Variants in ASIC2 observed in about 807,000 individuals in gnomAD.
ASIC2 encodes acid sensing ion channel subunit 2.
A neutral mutation model predicts 57.3 loss-of-function variants in ASIC2; 25 were observed. The observed-to-expected ratio is 0.44, with a 90% CI of 0.32 to 0.61. The LOEUF (loss-of-function observed/expected upper bound fraction) is 0.61, where lower values mean the gene tolerates loss of function less well. ASIC2 is among the 20% of genes least tolerant of loss of function. The pLI, the probability that ASIC2 is intolerant of heterozygous loss-of-function variation, is 0.06. For missense variants in ASIC2, 641 were observed against 738.1 expected, an observed-to-expected ratio of 0.87 and a Z score of 1.52; for synonymous variants, 319 against 307.5, an observed-to-expected ratio of 1.04 and a Z score of -0.39.
At chr17:33,344,932 G>GT (rs11402799) in intron 1 of ASIC2, among the ~76,000 whole-genome samples, 35,102 of 144,948 alleles carry the variant, frequency 0.24, 4,126 homozygotes, top group South Asian at 0.39. Context: ...CAAAACCTTG[G>GT]TTTTTTTTTT....
chr17:34,067,719 T>G (rs1167074533), intron 1 of ASIC2, among the ~76,000 whole-genome samples: 3 of 152,208 alleles, frequency 2.0e-5, no homozygotes, highest in African/African-American at 7.2e-5. Context: ...ATGCTACTGT[T>G]GTGAAGGATG....
chr17:33,395,888 T>A (rs1910060356), intron 1 of ASIC2, among the ~76,000 whole-genome samples: 1 of 152,112 alleles, frequency 6.6e-6, no homozygotes, highest in African/African-American at 2.4e-5. Context: ...AGATGCACTT[T>A]CAAAATTTAT....
intron 1 of ASIC2, among the ~76,000 whole-genome samples, chr17:33,317,575 T>A (rs563831076): frequency 1.3e-5 from 2 of 152,274 alleles, no homozygotes; most frequent in Non-Finnish European, 2.9e-5. Flanking sequence ...GACTTTCAGC[T>A]TAGGAGAATA....
chr17:33,685,540 G>T (rs1167282633), intron 1 of ASIC2, among the ~76,000 whole-genome samples: 1 of 152,194 alleles, frequency 6.6e-6, no homozygotes, highest in Non-Finnish European at 1.5e-5. Context: ...ATCAAGGAGT[G>T]ACTAGCTGTG....
At chr17:33,496,377 T>A (rs1022490533) in intron 1 of ASIC2, among the ~76,000 whole-genome samples, 3 of 152,138 alleles carry the variant, frequency 2.0e-5, no homozygotes, top group African/African-American at 7.2e-5. Flanking sequence ...CCCACTGCGG[T>A]TGTCTTCCTC....
At chr17:33,511,167 G>A (rs543901909) in intron 1 of ASIC2, among the ~76,000 whole-genome samples, 4 of 137,324 alleles carry the variant, frequency 2.9e-5, no homozygotes, top group African/African-American at 1.1e-4. Context: ...CTCTGTGGCT[G>A]TCACCCTAAT....
intron 1 of ASIC2, among the ~76,000 whole-genome samples, chr17:33,226,829 C>T (rs1343716626): frequency 6.6e-6 from 1 of 152,012 alleles, no homozygotes; most frequent in Non-Finnish European, 1.5e-5. Flanking sequence ...AAAAGAGTCT[C>T]ATGTGTAATT....
chr17:33,496,183 G>A (rs1323284593), intron 1 of ASIC2, among the ~76,000 whole-genome samples: 2 of 152,188 alleles, frequency 1.3e-5, no homozygotes, highest in Admixed American at 6.5e-5. Flanking sequence ...CATGGGCATT[G>A]TCTAGGAAAG....
intron 1 of ASIC2, among the ~76,000 whole-genome samples, chr17:33,271,514 T>C (rs1322009950): frequency 6.6e-6 from 1 of 152,178 alleles, no homozygotes; most frequent in Admixed American, 6.5e-5. Context: ...CAGCCTTCCA[T>C]TCTCAATTCA....
intron 1 of ASIC2, among the ~76,000 whole-genome samples, chr17:33,185,425 C>T (rs1161911359): frequency 2.6e-5 from 4 of 152,146 alleles, no homozygotes; most frequent in Admixed American, 2.6e-4. Flanking sequence ...AGAAACCTAA[C>T]ATGTTTTCCA....
chr17:34,087,218 C>A (rs1022398934), intron 1 of ASIC2, among the ~76,000 whole-genome samples: 1 of 151,948 alleles, frequency 6.6e-6, no homozygotes, highest in East Asian at 1.9e-4. Context: ...TTCAGGAGTT[C>A]TTTTAGGGCA....
intron 8 of ASIC2, among the ~76,000 whole-genome samples, chr17:33,016,936 C>G (rs1040796971): frequency 6.6e-6 from 1 of 151,214 alleles, no homozygotes; most frequent in African/African-American, 2.4e-5. Context: ...GTGGCATCCA[C>G]AGGCTCGCTG....
At chr17:33,155,290 T>C (rs948748131) in intron 1 of ASIC2, among the ~76,000 whole-genome samples, 9 of 152,258 alleles carry the variant, frequency 5.9e-5, no homozygotes, top group Admixed American at 5.9e-4. Flanking sequence ...GTGGGCGCAC[T>C]GTGGGCTGGC....
intron 1 of ASIC2, among the ~76,000 whole-genome samples, chr17:33,926,081 C>T (rs1915816689): frequency 6.6e-6 from 1 of 152,136 alleles, no homozygotes; most frequent in Non-Finnish European, 1.5e-5. Context: ...AGACTATCAT[C>T]GAAGTCAGGG....
At chr17:33,750,938 AAAGT>A (rs1446568161) in intron 1 of ASIC2, among the ~76,000 whole-genome samples, 1 of 152,228 alleles carries the variant, frequency 6.6e-6, no homozygotes, top group Non-Finnish European at 1.5e-5. Context: ...TCAGGGAAAT[AAAGT>A]AATAATGTTA....
chr17:33,084,853 C>CA (rs1218607751), intron 3 of ASIC2, among the ~76,000 whole-genome samples: 2 of 152,068 alleles, frequency 1.3e-5, no homozygotes, highest in African/African-American at 2.4e-5. Context: ...GGAAGGCAGC[C>CA]AAGGCATACC....
At chr17:33,116,642 G>A (rs750353082) in intron 1 of ASIC2, among the ~76,000 whole-genome samples, 7 of 152,142 alleles carry the variant, frequency 4.6e-5, no homozygotes, top group Middle Eastern at 3.2e-3. Context: ...GAATGGTGGG[G>A]GGTGGGGGCT....
At chr17:33,508,550 C>T (rs1415046434) in intron 1 of ASIC2, among the ~76,000 whole-genome samples, 2 of 152,124 alleles carry the variant, frequency 1.3e-5, no homozygotes, top group East Asian at 3.9e-4. Flanking sequence ...GAGTTTACCT[C>T]ATAGTGCTTT....
At chr17:33,665,589 A>T (rs569052228) in intron 1 of ASIC2, among the ~76,000 whole-genome samples, 6 of 152,356 alleles carry the variant, frequency 3.9e-5, no homozygotes, top group Non-Finnish European at 7.3e-5. Context: ...CTCTTGATTC[A>T]GACATTGCAG....
Sources: gnomAD v4.1 joint callset for allele counts (sites outside exome capture counted in the v4.1 genomes callset) on GRCh38, gnomAD v4.1.1 for gene constraint, MANE v1.5 for transcripts, NCBI Gene and HGNC (gene_info 2026-07-23, HGNC 2026-07-21) for gene names.